FRMPD2: variants seen among roughly 807,000 people sequenced by gnomAD.
FRMPD2 encodes FERM and PDZ domain containing 2.
In FRMPD2, 96 loss-of-function variants were observed where a neutral mutation model predicts 140.1. The ratio of observed to expected loss-of-function variants is 0.69; its 90% CI spans 0.58 to 0.81. The LOEUF is 0.81. FRMPD2 is among the 40% of genes least tolerant of loss of function. FRMPD2 has a pLI of 0.00. For missense variants in FRMPD2, 1,240 were observed against 1,447.4 expected, an observed-to-expected ratio of 0.86 and a Z score of 2.32; for synonymous variants, 449 against 547.6, an observed-to-expected ratio of 0.82 and a Z score of 2.52.
chr10:48,258,227 G>A (rs1840522136), intron 1 of FRMPD2, among the ~76,000 whole-genome samples: 1 of 152,196 alleles, frequency 6.6e-6, no homozygotes, highest in South Asian at 2.1e-4. Flanking sequence ...TTTTTCCCCT[G>A]AAGGAGGAAA....
chr10:48,239,698 C>G lies in FRMPD2; in HGVS notation c.701-6G>C, dbSNP rs763413953. ...CTCCGTGCTTCTTTCTGAAACTAAT[C>G]AAGCAGCATGGTAGAGGGTATGGGC... On this transcript the variant is annotated splice_region_variant and splice_polypyrimidine_tract_variant and intron_variant, in intron 6 of 28. Coordinates refer to ENST00000374201, the MANE Select transcript of FRMPD2 (RefSeq NM_001018071.4). 6.2e-7 allele frequency: 1 copy of G among 1,611,674 alleles called. No individual in the cohort carries two copies. The highest frequency in any genetic ancestry group is 8.5e-7 in the Non-Finnish European group (1 of 1,178,046).
chr10:48,242,045 G>T, intron 5 of FRMPD2, 116 bp downstream of exon 5: 3 of 733,950 alleles, frequency 4.1e-6, no homozygotes, highest in Non-Finnish European at 6.4e-6. Context: ...TGACAGATGT[G>T]ACTGATTAAT....
chr10:48,214,971 C>T (rs746007882), intron 12 of FRMPD2, among the ~76,000 whole-genome samples: 26 of 152,166 alleles, frequency 1.7e-4, no homozygotes, highest in African/African-American at 5.6e-4. Flanking sequence ...TAAAAACCCC[C>T]GCATGTGATC....
intron 28 of FRMPD2, among the ~76,000 whole-genome samples, chr10:48,160,426 T>C (rs1837906287): frequency 1.3e-5 from 2 of 149,432 alleles, no homozygotes; most frequent in Admixed American, 6.6e-5. Context: ...AAGGGACCTG[T>C]TCTTTAGCTG....
intron 12 of FRMPD2, among the ~76,000 whole-genome samples, chr10:48,215,525 T>C (rs1839425650): frequency 6.6e-6 from 1 of 152,232 alleles, no homozygotes; most frequent in Non-Finnish European, 1.5e-5. Context: ...AATTCAATGG[T>C]GCCAAGCCCA....
rs1268308307 is a variant in FRMPD2, at chr10:48,194,695, G to A, written c.1955-1801C>T. ...GCCTGAGGAGGAAGCTCAGTTAGCA[G>A]GAGAGGGGCTGCTTAGTGAGGTCAG... On this transcript the variant is annotated intron_variant, in intron 15 of 28. Coordinates refer to ENST00000374201, the MANE Select transcript of FRMPD2 (RefSeq NM_001018071.4). 5.9e-5 allele frequency among the ~76,000 whole-genome samples: 9 copies of A among 152,186 alleles called. No homozygotes were observed. The East Asian group carries it at 1.7e-3, about 29-fold the overall frequency.
intron 10 of FRMPD2, among the ~76,000 whole-genome samples, chr10:48,223,845 C>T (rs765318731): frequency 8.5e-5 from 13 of 152,154 alleles, no homozygotes; most frequent in Non-Finnish European, 1.5e-4. Flanking sequence ...AGGAAGACAC[C>T]AGAGCTTCCT....
At position 48,225,616 on chromosome 10, in the gene FRMPD2, A is replaced by G. The variant is rs1358584842; in HGVS notation, c.1169-2346T>C. 2.6e-5 allele frequency among the ~76,000 whole-genome samples: 4 copies of G among 152,356 alleles called. No individual in the cohort carries two copies. The South Asian group carries it at 8.3e-4, about 32-fold the overall frequency. On this transcript the variant is annotated intron_variant, in intron 10 of 28. Transcript: ENST00000374201. The stretch of plus-strand genomic sequence containing the variant: ...ACCTGTAGTCCTCTAGAACATGCAT[A>G]TCCCGGATTGCAATCTCCTGCTAAT...
At chr10:48,220,881 A>G (rs183964678) in intron 12 of FRMPD2, among the ~76,000 whole-genome samples, 109 of 152,324 alleles carry the variant, frequency 7.2e-4, no homozygotes, top group Non-Finnish European at 1.3e-3. Flanking sequence ...AATCAAAACC[A>G]CAATGTGGTA....
In FRMPD2 at chr10:48,274,564, G is replaced by A. The variant is rs779291820; in HGVS notation, c.4C>T (p.Gln2Ter). M[Q>*]PLTKDAGMSL... is the part of the protein sequence containing the mutation. The stretch of plus-strand genomic sequence containing the variant: ...ATACCTGCGTCCTTCGTTAAAGGCT[G>A]CATCCAAAAGTCTCCGTGACCAGGT... The change falls in exon 1 of 29, where the codon CAG becomes TAG. Residue 2 changes from glutamine to a stop codon, truncating the protein, a stop_gained. Transcript: ENST00000374201. LOFTEE classifies it high-confidence loss of function. 6.2e-7 allele frequency: 1 copy of A among 1,614,064 alleles called. No individual in the cohort carries two copies. Among genetic ancestry groups the A allele is most frequent in the Non-Finnish European group, 8.5e-7 (1 of 1,179,916 alleles).
At chr10:48,273,662 G>A (rs1405410765) in intron 1 of FRMPD2, among the ~76,000 whole-genome samples, 1 of 152,100 alleles carries the variant, frequency 6.6e-6, no homozygotes, top group East Asian at 1.9e-4. Flanking sequence ...TTTTCATGCA[G>A]GTCCAGCATT....
At chr10:48,248,970 C>A in intron 3 of FRMPD2, 51 bp downstream of exon 3, 4 of 1,513,910 alleles carry the variant, frequency 2.6e-6, no homozygotes, top group Non-Finnish European at 2.7e-6. Flanking sequence ...CTGGGACAGG[C>A]CTTTCCCAGG....
At chr10:48,178,932 A>G (rs1838477382) in intron 21 of FRMPD2, 1 of 152,184 alleles carries the variant, frequency 6.6e-6, no homozygotes, top group Non-Finnish European at 1.5e-5. Flanking sequence ...TGTCTCAGAT[A>G]CCCCACCCAT....
rs1021845073 is a variant in FRMPD2, at chr10:48,248,959, G to T, written c.309+62C>A. 56 of 1,440,166 alleles carry T rather than the reference G, an allele frequency of 3.9e-5. 2 individuals are homozygous for T. The South Asian group carries it at 7.4e-4, about 19-fold the overall frequency. 89.2% of individuals were successfully genotyped at this position (1,440,166 alleles called of 1,614,324 possible). A position where few individuals can be genotyped will look rare whatever the true frequency, so the allele number is the denominator to read the frequency against. On this transcript the variant is annotated intron_variant, in intron 3 of 28. Coordinates refer to ENST00000374201, the MANE Select transcript of FRMPD2 (RefSeq NM_001018071.4). ...TGAGCTGGGAGCTGGGGAGGCTGCC[G>T]CTGGGACAGGCCTTTCCCAGGGCAC... is the stretch of plus-strand genomic sequence containing the variant.
intron 25 of FRMPD2, among the ~76,000 whole-genome samples, chr10:48,172,510 A>G (rs1356884604): frequency 6.6e-6 from 1 of 152,172 alleles, no homozygotes; most frequent in African/African-American, 2.4e-5. Flanking sequence ...GCCTTTTAAA[A>G]TGATGCTAAT....
At position 48,184,851 on chromosome 10, in the gene FRMPD2, C is replaced by T. The variant is rs369439623; in HGVS notation, c.2390G>A (p.Gly797Asp). 1 of 1,613,364 alleles carries T rather than the reference C, an allele frequency of 6.2e-7. No homozygotes were observed. The highest frequency in any genetic ancestry group is 2.2e-5 in the East Asian group (1 of 44,836). The change falls in exon 19 of 29, where the codon GGC (glycine) becomes GAC (aspartate). Residue 797 changes from glycine (G) to aspartate (D), a missense_variant. By Grantham distance (94) the Gly-to-Asp change is moderately conservative (BLOSUM62 -1). Coordinates refer to ENST00000374201, the MANE Select transcript of FRMPD2 (RefSeq NM_001018071.4). ...GFVINEGEYSGQADPGIFISS... is the reference protein window; with the variant it reads ...GFVINEGEYSDQADPGIFISS... ...TATAAAAATGCCAGGGTCAGCTTGG[C>T]CTGAATACTCTCCCTCATTAATGAC...
intron 1 of FRMPD2, among the ~76,000 whole-genome samples, chr10:48,263,862 C>A (rs1840637320): frequency 6.6e-6 from 1 of 151,988 alleles, no homozygotes; most frequent in South Asian, 2.1e-4. Context: ...AACTACAGAT[C>A]AATAGTTTTC....
intron 8 of FRMPD2, 60 bp from the exon 9 acceptor site, chr10:48,236,613 G>A: frequency 1.3e-6 from 2 of 1,509,352 alleles, no homozygotes; most frequent in East Asian, 2.3e-5. Context: ...TTGGGTCTGG[G>A]CTTCCCCCAT....
chr10:48,185,403 GA>G (rs1044576465), intron 18 of FRMPD2, 149 bp downstream of exon 18: 25 of 620,088 alleles, frequency 4.0e-5, no homozygotes, highest in Admixed American at 5.7e-5. Flanking sequence ...ATTAAAGGGA[GA>G]AAAAAAACAG....
Sources: allele counts gnomAD v4.1 joint callset (sites outside exome capture counted in the v4.1 genomes callset), GRCh38; gene constraint gnomAD v4.1.1; transcripts MANE v1.5; gene names NCBI Gene and HGNC (gene_info 2026-07-23, HGNC 2026-07-21).